C8orf88: variants seen among roughly 807,000 people sequenced by gnomAD.
C8orf88 encodes the protein uncharacterized protein C8orf88.
Under a neutral mutation model 18.4 loss-of-function variants are expected in C8orf88, and 14 were observed. The observed-to-expected ratio is 0.76, with a 90% CI of 0.50 to 1.19. The LOEUF (loss-of-function observed/expected upper bound fraction) is 1.19, where lower values mean the gene tolerates loss of function less well. Ranked by LOEUF, C8orf88 falls within the 50% of genes most tolerant of loss-of-function variation. The probability of loss-of-function intolerance (pLI) is 0.00; values close to 1 mark genes in which losing one functional copy is unlikely to be tolerated. For synonymous variants in C8orf88, 45 were observed against 42.9 expected, an observed-to-expected ratio of 1.05 and a Z score of -0.19; for missense variants, 116 against 134.7, an observed-to-expected ratio of 0.86 and a Z score of 0.69.
chr8:90,973,375 C>G (rs1466859241), intron 3 of C8orf88, among the ~76,000 whole-genome samples: 1 of 152,074 alleles, frequency 6.6e-6, no homozygotes, highest in Non-Finnish European at 1.5e-5. Flanking sequence ...AAAGGTTAAA[C>G]AGAGGAGTAA....
chr8:90,983,394 A>T, intron 1 of C8orf88, among the ~76,000 whole-genome samples: 1 of 152,110 alleles, frequency 6.6e-6, no homozygotes. Context: ...TGAATAGAAT[A>T]TTGGTAAATC....
intron 1 of C8orf88, among the ~76,000 whole-genome samples, chr8:90,982,280 T>C (rs1811444758): frequency 6.6e-6 from 1 of 152,258 alleles, no homozygotes; most frequent in Admixed American, 6.5e-5. Context: ...AAGTTATTAA[T>C]ATTTTCTATG....
chr8:90,960,703 TAATATAATATTAC>T, intron 5 of C8orf88, 26 bp downstream of exon 5: 2 of 1,143,882 alleles, frequency 1.7e-6, no homozygotes, highest in Non-Finnish European at 2.4e-6. Context: ...AAATATTTTG[TAATATAATATTAC>T]AATACAAACT....
chr8:90,965,336 G>A (rs1811179065), intron 4 of C8orf88, among the ~76,000 whole-genome samples: 2 of 151,766 alleles, frequency 1.3e-5, no homozygotes, highest in African/African-American at 4.8e-5. Context: ...TATAAGAATT[G>A]TAAGCACATA....
chr8:90,974,151 T>C (rs1348469505), intron 3 of C8orf88, among the ~76,000 whole-genome samples: 3 of 152,148 alleles, frequency 2.0e-5, no homozygotes, highest in African/African-American at 7.2e-5. Flanking sequence ...ACTCTTCTCA[T>C]CACGAGGTAC....
intron 2 of C8orf88, among the ~76,000 whole-genome samples, chr8:90,980,125 A>G (rs1811411654): frequency 6.6e-6 from 1 of 152,198 alleles, no homozygotes; most frequent in Admixed American, 6.5e-5. Flanking sequence ...ATGAGAAAAA[A>G]CACACACACA....
intron 4 of C8orf88, among the ~76,000 whole-genome samples, chr8:90,968,087 T>C (rs1811228706): frequency 6.6e-6 from 1 of 151,676 alleles, no homozygotes; most frequent in Non-Finnish European, 1.5e-5. Context: ...AAATATCAAA[T>C]GGAATTGCAA....
chr8:90,973,432 C>T (rs1013411923), intron 3 of C8orf88, among the ~76,000 whole-genome samples: 1 of 152,080 alleles, frequency 6.6e-6, no homozygotes, highest in Non-Finnish European at 1.5e-5. Flanking sequence ...AAATCAAGTG[C>T]TCTTTGCAAT....
At chr8:90,969,862 G>T (rs1811259254) in intron 4 of C8orf88, among the ~76,000 whole-genome samples, 1 of 151,600 alleles carries the variant, frequency 6.6e-6, no homozygotes, top group Non-Finnish European at 1.5e-5. Flanking sequence ...AATAACAAAA[G>T]TCCACTCCGG....
intron 3 of C8orf88, among the ~76,000 whole-genome samples, chr8:90,978,107 A>T (rs1811376550): frequency 6.6e-6 from 1 of 152,230 alleles, no homozygotes; most frequent in Non-Finnish European, 1.5e-5. Flanking sequence ...CTTTTCAATA[A>T]ATGTCATTTT....
intron 3 of C8orf88, among the ~76,000 whole-genome samples, chr8:90,974,013 GA>G (rs1811315410): frequency 1.3e-5 from 2 of 151,886 alleles, no homozygotes; most frequent in Non-Finnish European, 2.9e-5. Context: ...GAGCTCCCAG[GA>G]AAACAATTTT....
Position 90,970,429 on chromosome 8 carries a change from A to G in C8orf88, c.223+637T>C, listed in dbSNP as rs185708238. Among the ~76,000 whole-genome samples, 17 of 152,178 alleles carry G rather than the reference A, an allele frequency of 1.1e-4. No individual in the cohort carries two copies. In the East Asian group the frequency reaches 2.9e-3, roughly 26 times the overall value. ...TACATTAATTGACAAAAATTTGGAAACTAAAATCATTTTATTTTATTTTTA... is the reference window on the plus strand; with the variant it reads ...TACATTAATTGACAAAAATTTGGAAGCTAAAATCATTTTATTTTATTTTTA... On this transcript the variant is annotated intron_variant, in intron 4 of 5. Coordinates refer to ENST00000517562, the MANE Select transcript of C8orf88 (RefSeq NM_001190972.2).
At chr8:90,971,219 T>A (rs1019541764) in intron 3 of C8orf88, 78 bp from the exon 4 acceptor site, 2 of 718,394 alleles carry the variant, frequency 2.8e-6, no homozygotes, top group African/African-American at 3.7e-5. Context: ...CCCAAAAATA[T>A]TTTCCTAATA....
chr8:90,978,069 G>A (rs1811376172), intron 3 of C8orf88, among the ~76,000 whole-genome samples: 1 of 152,160 alleles, frequency 6.6e-6, no homozygotes, highest in African/African-American at 2.4e-5. Flanking sequence ...AGAGGAAATA[G>A]GAGACTGGGA....
rs538504593 is a variant in C8orf88 at position 90,978,623 on chromosome 8, C to T, written c.103G>A (p.Glu35Lys). The change falls in exon 3 of 6, where the codon GAA (glutamate) becomes AAA (lysine). Residue 35 changes from glutamate to lysine, a missense_variant. Physicochemically the swap from Glu to Lys is moderately conservative, Grantham distance 56. Transcript: ENST00000517562. ...GAVFPFNFQN[E>K]YPCNTQCIQS... ...ATGCACTGAGTGTTGCATGGATATT[C>T]GTTTTGAAAGTTGAAAGGGAACACT... 1.0e-4 allele frequency: 160 copies of T among 1,530,590 alleles called. No homozygotes were observed. In the African/African-American group the frequency reaches 1.9e-3, roughly 18 times the overall value. The allele number at this position is 1,530,590 out of a possible 1,614,324, so 94.8% of individuals were successfully genotyped here. A position where few individuals can be genotyped will look rare whatever the true frequency, so the allele number is the denominator to read the frequency against.
chr8:90,962,927 T>C (rs1364884501), intron 4 of C8orf88, among the ~76,000 whole-genome samples: 12 of 151,394 alleles, frequency 7.9e-5, no homozygotes, highest in Admixed American at 3.3e-4. Context: ...ACAGGATGCT[T>C]TGAGGTAGAA....
intron 3 of C8orf88, 90 bp from the exon 4 acceptor site, chr8:90,971,231 T>C: frequency 1.6e-6 from 1 of 614,616 alleles, no homozygotes; most frequent in South Asian, 2.9e-5. Flanking sequence ...TTCCTAATAA[T>C]AAATGCATTT....
At chr8:90,968,687 C>CATAT (rs1811241160) in intron 4 of C8orf88, among the ~76,000 whole-genome samples, 3 of 33,628 alleles carry the variant, frequency 8.9e-5, no homozygotes, top group African/African-American at 2.2e-4. Context: ...TATATATATG[C>CATAT]ACACACTGGA....
At chr8:90,977,798 T>A (rs1159934108) in intron 3 of C8orf88, among the ~76,000 whole-genome samples, 3 of 151,820 alleles carry the variant, frequency 2.0e-5, no homozygotes, top group Admixed American at 2.0e-4. Context: ...AAAAAAAAAA[T>A]TAGCTAGGTG....
Sources: gnomAD v4.1 joint callset for allele counts (sites outside exome capture counted in the v4.1 genomes callset) on GRCh38, gnomAD v4.1.1 for gene constraint, MANE v1.5 for transcripts, NCBI Gene and HGNC (gene_info 2026-07-23, HGNC 2026-07-21) for gene names.